Variants in ABLIM2 observed in about 807,000 individuals in gnomAD.
ABLIM2 encodes the protein actin binding LIM protein family member 2.
ABLIM2 carries 53 observed loss-of-function variants against 97.7 expected under a neutral mutation model. That is an observed-to-expected ratio of 0.54 (90% CI 0.44 to 0.68). The LOEUF is 0.68. Among genes scored for constraint, ABLIM2 ranks in the 30% least tolerant of loss-of-function variants. The pLI is 0.00. For synonymous variants in ABLIM2, 361 were observed against 345.8 expected, an observed-to-expected ratio of 1.04 and a Z score of -0.49; for missense variants, 835 against 867.2, an observed-to-expected ratio of 0.96 and a Z score of 0.47.
At chr4:8,126,166 G>T (rs1208439057) in intron 1 of ABLIM2, among the ~76,000 whole-genome samples, 1 of 152,138 alleles carries the variant, frequency 6.6e-6, no homozygotes, top group East Asian at 1.9e-4. Flanking sequence ...CGCTGAGGGG[G>T]GGCTATGGAC....
chr4:8,018,374 G>C (rs56261879), intron 14 of ABLIM2, among the ~76,000 whole-genome samples: 1 of 152,046 alleles, frequency 6.6e-6, no homozygotes, highest in Non-Finnish European at 1.5e-5. Flanking sequence ...TTTTGGCCAG[G>C]CCTCAGTTTC....
Position 8,158,790 on chromosome 4 carries a change from TCCGCGCCCGCTCCTTGCGC to T in ABLIM2, c.-120_-102del. The T allele has an allele frequency of 2.7e-6, 3 of 1,113,126 alleles. No individual in the cohort carries two copies. The highest frequency in any genetic ancestry group is 3.4e-6 in the Non-Finnish European group (3 of 883,126). The allele number at this position is 1,113,126 out of a possible 1,614,324, so 69.0% of individuals were successfully genotyped here. On this transcript the variant is annotated 5_prime_UTR_variant, in exon 1 of 21. Transcript: ENST00000447017. The stretch of plus-strand genomic sequence containing the variant: ...CGCTATCCTCCGCCCGCCCGCCGGC[TCCGCGCCCGCTCCTTGCGC>T]ACACGCCAGGCAGCGCCGCCGCAGC...
At chr4:7,967,426 T>C (rs1339784113) in intron 20 of ABLIM2, among the ~76,000 whole-genome samples, 1 of 152,232 alleles carries the variant, frequency 6.6e-6, no homozygotes, top group African/African-American at 2.4e-5. Context: ...CCCACCTGCG[T>C]GCAAATGTCT....
At chr4:7,984,919 G>A in intron 17 of ABLIM2, 26 bp from the exon 18 acceptor site, 1 of 1,603,990 alleles carries the variant, frequency 6.2e-7, no homozygotes, top group Non-Finnish European at 8.5e-7. Context: ...AGGTTGGGCG[G>A]CAAGAGACAG....
In ABLIM2 at chr4:8,039,042, G is replaced by A. The variant is rs144366800; in HGVS notation, c.901-2747C>T. ...TCGAGGCTTCCTTCCCCACACCCCC[G>A]CAACAAGTTAGTGTTGATCTTCATC... On this transcript the variant is annotated intron_variant, in intron 9 of 20. Transcript: ENST00000447017. Among the ~76,000 whole-genome samples the A allele has an allele frequency of 1.5e-3, 228 of 152,056 alleles. 3 individuals are homozygous for A. Among genetic ancestry groups the A allele is most frequent in the Non-Finnish European group, 5.0e-4 (34 of 67,980 alleles).
intron 3 of ABLIM2, among the ~76,000 whole-genome samples, chr4:8,093,626 G>A (rs1484855765): frequency 3.3e-5 from 5 of 152,140 alleles, no homozygotes; most frequent in Admixed American, 3.3e-4. Flanking sequence ...GAAGTTTTTT[G>A]TGCTTAGTCT....
chr4:7,988,148 G>A (rs1745893201), intron 17 of ABLIM2, among the ~76,000 whole-genome samples: 1 of 152,120 alleles, frequency 6.6e-6, no homozygotes, highest in Non-Finnish European at 1.5e-5. Context: ...TCAGCCTCCT[G>A]AGTAGCTGGG....
Position 8,019,753 on chromosome 4 carries a change from T to C in ABLIM2, c.1370-82A>G, listed in dbSNP as rs961677157. The C allele has an allele frequency of 4.5e-6, 6 of 1,331,266 alleles. No individual in the cohort carries two copies. The highest frequency in any genetic ancestry group is 1.5e-5 in the African/African-American group (1 of 68,854). 82.5% of individuals were successfully genotyped at this position (1,331,266 alleles called of 1,614,324 possible). Reference sequence around the variant, plus strand: ...ATGGTTTCTGTTCTACAGCTTTTTGTAAGCAACAAGCACTCACCCAGATTT... The same window carrying C: ...ATGGTTTCTGTTCTACAGCTTTTTGCAAGCAACAAGCACTCACCCAGATTT... On this transcript the variant is annotated intron_variant, in intron 13 of 20. Coordinates refer to ENST00000447017, the MANE Select transcript of ABLIM2 (RefSeq NM_001130083.2). This position sits in a 1 kb window ranked among gnomAD's most constrained non-coding sequence, Gnocchi z 4.3.
chr4:8,148,808 T>G lies in ABLIM2; in HGVS notation c.10+9872A>C, dbSNP rs1469985336. ...GCCAAGGCTCAGGGGGTACATGGCCTGGGCTGGTTCCTGGACCCCCACCTC... is the reference window on the plus strand; with the variant it reads ...GCCAAGGCTCAGGGGGTACATGGCCGGGGCTGGTTCCTGGACCCCCACCTC... On this transcript the variant is annotated intron_variant, in intron 1 of 20. Transcript: ENST00000447017. This position sits in a 1 kb window ranked among gnomAD's most constrained non-coding sequence, Gnocchi z 6.7. Among the ~76,000 whole-genome samples, 2 of 152,180 alleles carry G rather than the reference T, an allele frequency of 1.3e-5. No homozygotes were observed. Among genetic ancestry groups the G allele is most frequent in the South Asian group, 2.1e-4 (1 of 4,830 alleles).
chr4:8,088,562 A>T (rs980463579), intron 3 of ABLIM2, among the ~76,000 whole-genome samples: 1 of 152,260 alleles, frequency 6.6e-6, no homozygotes, highest in Admixed American at 6.5e-5. Context: ...GCTGAGGGCC[A>T]GCCCAGTGCT....
At chr4:8,139,645 T>C (rs1023250137) in intron 1 of ABLIM2, among the ~76,000 whole-genome samples, 9 of 152,248 alleles carry the variant, frequency 5.9e-5, no homozygotes, top group Non-Finnish European at 1.0e-4. Flanking sequence ...GCTTTTACTC[T>C]GTTGGTGGGA....
chr4:7,977,377 T>C (rs1734338968), intron 20 of ABLIM2, among the ~76,000 whole-genome samples: 1 of 152,058 alleles, frequency 6.6e-6, no homozygotes, highest in African/African-American at 2.4e-5. Flanking sequence ...TACCCACATG[T>C]ATATGCACAT....
rs547480741 is a variant in ABLIM2 at position 8,003,456 on chromosome 4, C to T, written c.1618+4603G>A. 9.9e-5 allele frequency among the ~76,000 whole-genome samples: 15 copies of T among 152,094 alleles called. No homozygotes were observed. The highest frequency in any genetic ancestry group is 3.4e-4 in the African/African-American group (14 of 41,498). ...CCAATATACATCGCTTTCACGCCAG[C>T]GGAAAGTCACACGGTCCCATGTCAG... On this transcript the variant is annotated intron_variant, in intron 16 of 20. Transcript: ENST00000447017. This position sits in a 1 kb window ranked among gnomAD's most constrained non-coding sequence, Gnocchi z 4.2.
chr4:7,980,148 C>T (rs11728588), intron 20 of ABLIM2, among the ~76,000 whole-genome samples: 3 of 151,920 alleles, frequency 2.0e-5, no homozygotes, highest in Non-Finnish European at 2.9e-5. Flanking sequence ...ATGAACCCCC[C>T]CTCTCTGCCA....
intron 2 of ABLIM2, among the ~76,000 whole-genome samples, chr4:8,105,867 G>A (rs935334515): frequency 6.6e-6 from 1 of 152,202 alleles, no homozygotes; most frequent in Admixed American, 6.5e-5. Context: ...TAGGAAGGAG[G>A]AACAGGCTGG....
At chr4:8,039,874 G>GTTTTTT (rs397947626) in intron 9 of ABLIM2, among the ~76,000 whole-genome samples, 16,176 of 107,848 alleles carry the variant, frequency 0.15, 1,287 homozygotes, top group Non-Finnish European at 0.2. Flanking sequence ...GCTGATTACT[G>GTTTTTT]TTTTTTTTTT....
chr4:8,076,459 C>A (rs983683544), intron 6 of ABLIM2, among the ~76,000 whole-genome samples: 1 of 152,108 alleles, frequency 6.6e-6, no homozygotes, highest in Admixed American at 6.5e-5. Flanking sequence ...TCTAAAACTC[C>A]AATGTGGCCC....
chr4:8,040,228 G>A (rs1290397131), intron 9 of ABLIM2, among the ~76,000 whole-genome samples: 1 of 152,202 alleles, frequency 6.6e-6, no homozygotes, highest in East Asian at 1.9e-4. Context: ...ACATGGAACG[G>A]CCCCTTTCTG....
intron 2 of ABLIM2, among the ~76,000 whole-genome samples, chr4:8,103,151 C>T (rs1835503732): frequency 6.6e-6 from 1 of 152,196 alleles, no homozygotes; most frequent in Non-Finnish European, 1.5e-5. Flanking sequence ...TTTAATTAGC[C>T]AGCCCTGGGG....
Sources: allele counts gnomAD v4.1 joint callset (sites outside exome capture counted in the v4.1 genomes callset), GRCh38; gene constraint gnomAD v4.1.1; non-coding constraint Gnocchi (gnomAD v3.1); transcripts MANE v1.5; gene names NCBI Gene and HGNC (gene_info 2026-07-23, HGNC 2026-07-21).